TRAPPC9: variants seen among roughly 807,000 people sequenced by gnomAD.
TRAPPC9 encodes trafficking protein particle complex subunit 9, also known as IKK2 binding protein.
TRAPPC9 carries 83 observed loss-of-function variants against 124.0 expected under a neutral mutation model. That is an observed-to-expected ratio of 0.67 (90% confidence interval 0.56 to 0.80). TRAPPC9 has a LOEUF of 0.80. Ranked by LOEUF, TRAPPC9 falls within the 30% of genes least tolerant of loss-of-function variation. The pLI is 0.00. For missense variants in TRAPPC9, 1,302 were observed against 1,508.3 expected, an observed-to-expected ratio of 0.86 and a Z score of 2.27; for synonymous variants, 638 against 617.5, an observed-to-expected ratio of 1.03 and a Z score of -0.49.
chr8:139,752,621 T>G (rs1480381546), intron 21 of TRAPPC9, among the ~76,000 whole-genome samples: 2 of 149,824 alleles, frequency 1.3e-5, no homozygotes, highest in African/African-American at 4.9e-5. Flanking sequence ...CTACTGTCCA[T>G]CTACCATCCA....
intron 15 of TRAPPC9, among the ~76,000 whole-genome samples, chr8:140,268,861 A>C (rs942333893): frequency 6.6e-6 from 1 of 152,060 alleles, no homozygotes; most frequent in African/African-American, 2.4e-5. Context: ...CTCGGCATGA[A>C]CCACCGCCAA....
intron 21 of TRAPPC9, among the ~76,000 whole-genome samples, chr8:139,824,302 G>A (rs951416864): frequency 6.6e-6 from 1 of 152,090 alleles, no homozygotes; most frequent in African/African-American, 2.4e-5. Flanking sequence ...TCACTGTGAC[G>A]ATGCCAAGCG....
intron 17 of TRAPPC9, among the ~76,000 whole-genome samples, chr8:140,084,943 C>G (rs978471794): frequency 6.6e-6 from 1 of 152,150 alleles, no homozygotes; most frequent in South Asian, 2.1e-4. Flanking sequence ...GTAACTTGCC[C>G]AAGAGGAGAG....
intron 17 of TRAPPC9, among the ~76,000 whole-genome samples, chr8:140,127,036 A>T (rs2061111744): frequency 6.6e-6 from 1 of 152,182 alleles, no homozygotes; most frequent in Non-Finnish European, 1.5e-5. Context: ...ATGTCTGGGC[A>T]TCTCTAACGT....
intron 21 of TRAPPC9, among the ~76,000 whole-genome samples, chr8:139,853,962 T>C (rs1273925783): frequency 6.6e-6 from 1 of 152,248 alleles, no homozygotes; most frequent in Non-Finnish European, 1.5e-5. Context: ...ACGTATATAA[T>C]ACTATATTAT....
chr8:140,128,693 C>T (rs1036097230), intron 17 of TRAPPC9, among the ~76,000 whole-genome samples: 1 of 152,148 alleles, frequency 6.6e-6, no homozygotes, highest in Non-Finnish European at 1.5e-5. Context: ...CCCAAGGGGT[C>T]GGCATGATTT....
At chr8:140,029,240 C>T (rs1375512173) in intron 17 of TRAPPC9, among the ~76,000 whole-genome samples, 1 of 152,236 alleles carries the variant, frequency 6.6e-6, no homozygotes, top group Admixed American at 6.5e-5. Flanking sequence ...CATTGCGGCT[C>T]ATGCCTGTAG....
At chr8:139,999,570 CTGAT>C (rs1838258377) in intron 18 of TRAPPC9, among the ~76,000 whole-genome samples, 1 of 152,000 alleles carries the variant, frequency 6.6e-6, no homozygotes, top group Admixed American at 6.6e-5. Flanking sequence ...CCACTTCATA[CTGAT>C]TGATAATTAG....
At chr8:140,117,587 T>C (rs2060911995) in intron 17 of TRAPPC9, among the ~76,000 whole-genome samples, 1 of 152,220 alleles carries the variant, frequency 6.6e-6, no homozygotes, top group South Asian at 2.1e-4. Flanking sequence ...GGAGCCCTCA[T>C]GCCCTAATCA....
rs144429341 is a variant in TRAPPC9 at position 139,924,564 on chromosome 8, C to A, written c.2811-14264G>T. Among the ~76,000 whole-genome samples the A allele has an allele frequency of 8.1e-4, 123 of 152,354 alleles. No individual in the cohort carries two copies. In the East Asian group the frequency reaches 0.019, roughly 24 times the overall value. On this transcript the variant is annotated intron_variant, in intron 19 of 22. Transcript: ENST00000438773. ...GGGCCCTGGCACAATCCTATTCCAG[C>A]CACCAGGAAGCCCTGCCTTCAACTC... is the stretch of plus-strand genomic sequence containing the variant.
intron 17 of TRAPPC9, among the ~76,000 whole-genome samples, chr8:140,129,520 G>T (rs1014237862): frequency 1.3e-5 from 2 of 152,182 alleles, no homozygotes; most frequent in Non-Finnish European, 2.9e-5. Flanking sequence ...TACACACGGG[G>T]TGAGCCGGCA....
intron 17 of TRAPPC9, among the ~76,000 whole-genome samples, chr8:140,213,990 C>T (rs2063131105): frequency 6.6e-6 from 1 of 152,164 alleles, no homozygotes; most frequent in Admixed American, 6.5e-5. Context: ...GCTTTATCCT[C>T]CAGGTCTCAG....
intron 17 of TRAPPC9, among the ~76,000 whole-genome samples, chr8:140,033,673 T>TTTTTGTTTTTTTTTTTTTTTTGTTTTTG (rs1456187769): frequency 1.3e-5 from 1 of 76,732 alleles, no homozygotes; most frequent in Non-Finnish European, 2.6e-5. Flanking sequence ...TTTTTTTTTT[T>TTTTTGTTTTTTTTTTTTTTTTGTTTTTG]TTTTTTTTTT....
intron 21 of TRAPPC9, among the ~76,000 whole-genome samples, chr8:139,803,263 T>C (rs1157622150): frequency 6.6e-6 from 1 of 152,244 alleles, no homozygotes; most frequent in Non-Finnish European, 1.5e-5. Context: ...TCACAGGCTC[T>C]CATCAGGCTC....
At chr8:140,357,107 T>TG (rs2067775648) in intron 9 of TRAPPC9, among the ~76,000 whole-genome samples, 1 of 152,106 alleles carries the variant, frequency 6.6e-6, no homozygotes, top group South Asian at 2.1e-4. Flanking sequence ...GAGACAAGCA[T>TG]GGACCAACTA....
At chr8:140,294,458 A>G (rs913780071) in intron 11 of TRAPPC9, among the ~76,000 whole-genome samples, 4 of 152,216 alleles carry the variant, frequency 2.6e-5, no homozygotes, top group African/African-American at 9.7e-5. Flanking sequence ...GGCTTGCCCT[A>G]TCATGGTCAT....
At chr8:140,015,089 T>C (rs534738325) in intron 18 of TRAPPC9, among the ~76,000 whole-genome samples, 52 of 152,388 alleles carry the variant, frequency 3.4e-4, no homozygotes, top group African/African-American at 1.2e-3. Context: ...ATTCATGTTA[T>C]GCCAGCAGTA....
chr8:140,015,162 A>T (rs535641245), intron 18 of TRAPPC9, among the ~76,000 whole-genome samples: 2 of 152,296 alleles, frequency 1.3e-5, no homozygotes, highest in South Asian at 4.1e-4. Context: ...ATCTCTGTGT[A>T]GGCTCGCACT....
chr8:139,895,510 A>G (rs929118076), intron 20 of TRAPPC9, among the ~76,000 whole-genome samples: 1 of 152,338 alleles, frequency 6.6e-6, no homozygotes. Context: ...GGAAGATGGG[A>G]ATGTCTATTT....
Sources: gnomAD v4.1 joint callset for allele counts (sites outside exome capture counted in the v4.1 genomes callset) on GRCh38, gnomAD v4.1.1 for gene constraint, MANE v1.5 for transcripts, NCBI Gene and HGNC (gene_info 2026-07-23, HGNC 2026-07-21) for gene names.